Variants in DLG2 observed in about 807,000 individuals in gnomAD.
DLG2 encodes discs large MAGUK scaffold protein 2, also known as disks large homolog 2.
A neutral mutation model predicts 132.5 loss-of-function variants in DLG2; 45 were observed. That is an observed-to-expected ratio of 0.34 (90% CI 0.27 to 0.44). The LOEUF (loss-of-function observed/expected upper bound fraction) is 0.44, where lower values mean the gene tolerates loss of function less well. DLG2 is among the 20% of genes least tolerant of loss of function. DLG2 has a pLI of 1.00. For synonymous variants in DLG2, 424 were observed against 419.6 expected (o/e 1.01, Z -0.13); for missense variants, 1,045 against 1,196.9 (o/e 0.87, Z 1.87).
chr11:83,513,345 C>A (rs915710418), intron 21 of DLG2, among the ~76,000 whole-genome samples: 7 of 152,282 alleles, frequency 4.6e-5, no homozygotes, highest in Admixed American at 1.3e-4. Flanking sequence ...AGTGTCTGTT[C>A]ATATCCTTCA....
intron 3 of DLG2, among the ~76,000 whole-genome samples, chr11:85,463,207 T>A (rs2092673845): frequency 6.6e-6 from 1 of 152,140 alleles, no homozygotes; most frequent in Admixed American, 6.6e-5. Context: ...TCCTCAGGAG[T>A]ATCAAGGTTG....
At chr11:85,451,243 C>G (rs192983545) in intron 3 of DLG2, among the ~76,000 whole-genome samples, 1 of 152,158 alleles carries the variant, frequency 6.6e-6, no homozygotes, top group African/African-American at 2.4e-5. Flanking sequence ...ACAACCAAAC[C>G]ATTACCAAAT....
At chr11:85,417,890 C>G (rs1457876684) in intron 3 of DLG2, among the ~76,000 whole-genome samples, 2 of 152,070 alleles carry the variant, frequency 1.3e-5, no homozygotes, top group African/African-American at 4.8e-5. Flanking sequence ...AAAAACAGCT[C>G]CTGGATTCAT....
intron 6 of DLG2, among the ~76,000 whole-genome samples, chr11:85,075,191 A>T (rs2066364318): frequency 6.6e-6 from 1 of 151,936 alleles, no homozygotes; most frequent in Non-Finnish European, 1.5e-5. Flanking sequence ...GAGGAAACTG[A>T]TATTGTTTTA....
At chr11:84,517,208 G>A (rs1171873312) in intron 7 of DLG2, among the ~76,000 whole-genome samples, 2 of 151,308 alleles carry the variant, frequency 1.3e-5, no homozygotes, top group East Asian at 3.9e-4. Context: ...TCAAGGAAGA[G>A]GCAACCTACA....
chr11:84,979,497 G>A (rs1592146244), intron 6 of DLG2, among the ~76,000 whole-genome samples: 3 of 152,170 alleles, frequency 2.0e-5, no homozygotes, highest in African/African-American at 7.2e-5. Context: ...ATGAGTTCAT[G>A]TTCTTTGTAG....
At chr11:85,370,617 T>C (rs921050950) in intron 3 of DLG2, among the ~76,000 whole-genome samples, 3 of 152,202 alleles carry the variant, frequency 2.0e-5, no homozygotes, top group African/African-American at 7.2e-5. Context: ...GGCAAAATAA[T>C]TACCTTACGG....
At chr11:83,795,433 CTA>C (rs367657450) in intron 17 of DLG2, among the ~76,000 whole-genome samples, 1 of 146,542 alleles carries the variant, frequency 6.8e-6, no homozygotes, top group African/African-American at 2.6e-5. Flanking sequence ...ATATCTATAT[CTA>C]TATCTATATA....
At position 85,579,832 on chromosome 11, in the gene DLG2, G is replaced by A. The variant is rs369987452; in HGVS notation, c.40+18825C>T. On this transcript the variant is annotated intron_variant, in intron 3 of 27. Transcript: ENST00000376104. ...CTCCCAAAGTGCTGGGATTACAGGC[G>A]TGAGCCACTGTGCTCAGCCATAAAG... Among the ~76,000 whole-genome samples the A allele has an allele frequency of 5.5e-4, 83 of 152,170 alleles. 1 individual carries two copies. The highest frequency in any genetic ancestry group is 1.7e-3 in the African/African-American group (70 of 41,516).
chr11:84,935,064 A>G (rs1388756826), intron 6 of DLG2, among the ~76,000 whole-genome samples: 1 of 152,282 alleles, frequency 6.6e-6, no homozygotes, highest in South Asian at 2.1e-4. Flanking sequence ...ATCCAGTTAC[A>G]TAAGTCAGAA....
chr11:84,759,905 T>C (rs914195248), intron 6 of DLG2, among the ~76,000 whole-genome samples: 1 of 152,150 alleles, frequency 6.6e-6, no homozygotes, highest in African/African-American at 2.4e-5. Flanking sequence ...GTAACTATGG[T>C]ATCGGTGGAA....
chr11:83,477,267 A>C (rs1395453535), intron 22 of DLG2, among the ~76,000 whole-genome samples: 1 of 152,138 alleles, frequency 6.6e-6, no homozygotes, highest in Non-Finnish European at 1.5e-5. Context: ...CAGAACAGCC[A>C]AAAATACAAG....
intron 6 of DLG2, among the ~76,000 whole-genome samples, chr11:84,610,559 A>T (rs1338938916): frequency 6.6e-6 from 1 of 152,124 alleles, no homozygotes; most frequent in Non-Finnish European, 1.5e-5. Flanking sequence ...TCCACTACTG[A>T]TGAATAAAGG....
intron 6 of DLG2, among the ~76,000 whole-genome samples, chr11:85,007,679 AAAAAAAAAAAAG>A (rs1172250155): frequency 4.0e-5 from 6 of 150,528 alleles, no homozygotes; most frequent in South Asian, 2.1e-4. Flanking sequence ...AAAAAAAAAA[AAAAAAAAAAAAG>A]AAAAGAAAAG....
chr11:84,787,752 G>A (rs1194314102), intron 6 of DLG2, among the ~76,000 whole-genome samples: 1 of 152,042 alleles, frequency 6.6e-6, no homozygotes, highest in African/African-American at 2.4e-5. Flanking sequence ...AAGATAAATT[G>A]CAGAACATCC....
At chr11:85,439,513 C>G (rs1597360368) in intron 3 of DLG2, among the ~76,000 whole-genome samples, 1 of 152,048 alleles carries the variant, frequency 6.6e-6, no homozygotes, top group South Asian at 2.1e-4. Flanking sequence ...GCACCCACCA[C>G]CACACCCGGC....
At chr11:85,494,734 G>T (rs942579830) in intron 3 of DLG2, among the ~76,000 whole-genome samples, 29 of 152,078 alleles carry the variant, frequency 1.9e-4, no homozygotes, top group African/African-American at 7.0e-4. Context: ...AACCAATAAA[G>T]AGTTTTGGCT....
intron 6 of DLG2, among the ~76,000 whole-genome samples, chr11:84,638,785 T>TTG (rs976548379): frequency 1.3e-5 from 2 of 151,924 alleles, no homozygotes; most frequent in African/African-American, 4.8e-5. Context: ...GATTTCATAT[T>TTG]TGTGTGTGTG....
chr11:84,336,565 T>G (rs1479581483), intron 7 of DLG2, among the ~76,000 whole-genome samples: 1 of 152,206 alleles, frequency 6.6e-6, no homozygotes, highest in Non-Finnish European at 1.5e-5. Flanking sequence ...TCACATGGAT[T>G]AACTTCCTTT....
Sources: allele counts gnomAD v4.1 joint callset (sites outside exome capture counted in the v4.1 genomes callset), GRCh38; gene constraint gnomAD v4.1.1; transcripts MANE v1.5; gene names NCBI Gene and HGNC (gene_info 2026-07-23, HGNC 2026-07-21).